Variants in ADAMTS18 observed in about 807,000 individuals in gnomAD.
ADAMTS18 encodes the protein ADAM metallopeptidase with thrombospondin type 1 motif 18, also known as A disintegrin and metalloproteinase with thrombospondin motifs 18.
Under a neutral mutation model 165.9 loss-of-function variants are expected in ADAMTS18, and 157 were observed. That is an observed-to-expected ratio of 0.95 (90% CI 0.83 to 1.08). The LOEUF (loss-of-function observed/expected upper bound fraction) is 1.08. ADAMTS18 is among the 50% of genes least tolerant of loss of function. ADAMTS18 has a pLI of 0.00. For missense variants in ADAMTS18, 2,040 were observed against 1,534.0 expected, an observed-to-expected ratio of 1.33 and a Z score of -5.51; for synonymous variants, 782 against 578.2, an observed-to-expected ratio of 1.35 and a Z score of -5.06.
intron 7 of ADAMTS18, among the ~76,000 whole-genome samples, chr16:77,360,027 G>T (rs1246970542): frequency 6.6e-6 from 1 of 152,168 alleles, no homozygotes; most frequent in Non-Finnish European, 1.5e-5. Context: ...CAGCCCTTAA[G>T]TCTATCTTCA....
chr16:77,385,026 A>G (rs911577211), intron 3 of ADAMTS18, among the ~76,000 whole-genome samples: 8 of 151,716 alleles, frequency 5.3e-5, no homozygotes, highest in African/African-American at 1.5e-4. Context: ...CTCCTGCCTC[A>G]GCCTCCCAAG....
At chr16:77,353,954 C>G (rs2056592991) in intron 9 of ADAMTS18, 68 bp from the exon 10 acceptor site, 6 of 1,577,896 alleles carry the variant, frequency 3.8e-6, no homozygotes, top group Non-Finnish European at 5.2e-6. Context: ...CGACAACACA[C>G]TTCTGAATGC....
chr16:77,284,110 G>A (rs777819535), intron 22 of ADAMTS18, 39 bp from the exon 23 acceptor site: 3 of 1,355,268 alleles, frequency 2.2e-6, no homozygotes, highest in Admixed American at 1.7e-5. Flanking sequence ...TGGCTAGGGT[G>A]TCTATCCTTT....
intron 6 of ADAMTS18, among the ~76,000 whole-genome samples, chr16:77,362,664 C>A (rs1567513588): frequency 1.3e-5 from 2 of 149,406 alleles, no homozygotes; most frequent in South Asian, 4.4e-4. Flanking sequence ...AGCAAAGCGT[C>A]TGGCACATCA....
At chr16:77,356,922 T>A (rs995219122) in intron 8 of ADAMTS18, among the ~76,000 whole-genome samples, 3 of 150,652 alleles carry the variant, frequency 2.0e-5, no homozygotes, top group African/African-American at 7.3e-5. Context: ...TGGTAGAAGA[T>A]GGGGAAATAA....
Position 77,408,143 on chromosome 16 carries a change from C to T in ADAMTS18, c.495+23152G>A, listed in dbSNP as rs148613682. ...AACTTCTTTAGTCATCAGAGAGACA[C>T]AGATTTACTATATGATATACCAAGC... On this transcript the variant is annotated intron_variant, in intron 3 of 22. Coordinates refer to ENST00000282849, the MANE Select transcript of ADAMTS18 (RefSeq NM_199355.4). 3.3e-5 allele frequency among the ~76,000 whole-genome samples: 5 copies of T among 152,102 alleles called. No individual in the cohort carries two copies. The East Asian group carries it at 9.7e-4, about 29-fold the overall frequency.
chr16:77,320,944 A>G, intron 15 of ADAMTS18, 135 bp downstream of exon 15: 1 of 1,116,020 alleles, frequency 9.0e-7, no homozygotes, highest in Non-Finnish European at 1.4e-6. Flanking sequence ...TTACTCTTGC[A>G]CAAGTGAAAA....
At chr16:77,335,270 TA>T (rs560255934) in intron 12 of ADAMTS18, among the ~76,000 whole-genome samples, 486 of 116,528 alleles carry the variant, frequency 4.2e-3, no homozygotes, top group African/African-American at 6.5e-3. Context: ...ATGTGAGAGC[TA>T]AAAAAAAAAA....
Position 77,289,408 on chromosome 16 carries a change from T to A in ADAMTS18, c.3406A>T (p.Thr1136Ser). The A allele has an allele frequency of 6.2e-7, 1 of 1,613,976 alleles. No individual in the cohort carries two copies. The highest frequency in any genetic ancestry group is 1.1e-5 in the South Asian group (1 of 91,078). The change falls in exon 22 of 23, where the codon ACA (threonine) becomes TCA (serine). Residue 1136 changes from threonine (T) to serine (S), a missense_variant. Physicochemically the swap from Thr to Ser is moderately conservative, Grantham distance 58 (BLOSUM62 1). Coordinates refer to ENST00000282849, the MANE Select transcript of ADAMTS18 (RefSeq NM_199355.4). ...GWYSLPWQQC[T>S]VTCGGGVQTR... ...TGGACCCCTCCCCCACAGGTGACTG[T>A]GCACTGCAGCAGAGAGAAGAGGAAG...
At chr16:77,414,718 A>C (rs991852588) in intron 3 of ADAMTS18, among the ~76,000 whole-genome samples, 1 of 152,210 alleles carries the variant, frequency 6.6e-6, no homozygotes. Context: ...CTGCATACTA[A>C]AATTAGATTC....
At chr16:77,390,606 C>T (rs2057172725) in intron 3 of ADAMTS18, among the ~76,000 whole-genome samples, 1 of 151,970 alleles carries the variant, frequency 6.6e-6, no homozygotes. Flanking sequence ...AGGAGAATTG[C>T]CTGAACCCGG....
At chr16:77,392,990 G>GA (rs769369673) in intron 3 of ADAMTS18, among the ~76,000 whole-genome samples, 66 of 150,550 alleles carry the variant, frequency 4.4e-4, no homozygotes, top group African/African-American at 1.5e-3. Flanking sequence ...AGGCAGTAAA[G>GA]AAAAAAAAAG....
At chr16:77,328,803 T>C (rs751273806) in intron 12 of ADAMTS18, among the ~76,000 whole-genome samples, 4 of 152,234 alleles carry the variant, frequency 2.6e-5, no homozygotes, top group Non-Finnish European at 4.4e-5. Flanking sequence ...TATCGACTTA[T>C]AGAACTTGTA....
chr16:77,431,642 C>A (rs1233894976), intron 2 of ADAMTS18, 31 bp from the exon 3 acceptor site: 8 of 1,609,642 alleles, frequency 5.0e-6, no homozygotes, highest in Non-Finnish European at 5.9e-6. Context: ...CTGTCAGCAC[C>A]CAGAGCCCAC....
intron 16 of ADAMTS18, among the ~76,000 whole-genome samples, chr16:77,303,429 ACCCTTCCAG>A (rs2055623165): frequency 2.0e-5 from 3 of 152,128 alleles, no homozygotes; most frequent in African/African-American, 7.2e-5. Flanking sequence ...CATAGGGAAT[ACCCTTCCAG>A]TTGTTTAGGC....
Position 77,322,400 on chromosome 16 carries a change from T to G in ADAMTS18, c.2099A>C (p.Lys700Thr). The part of the protein sequence containing the change: ...NFEFFFAMSG[K>T]VKDGTPCSPN... The stretch of plus-strand genomic sequence containing the variant: ...GGAGCAGGGAGTTCCATCTTTCACT[T>G]TGCCGGACATTGCAAAAAAAAATTC... The change falls in exon 14 of 23, where the codon AAA (lysine) becomes ACA (threonine). Residue 700 changes from lysine to threonine, a missense_variant. Physicochemically the swap from Lys to Thr is moderately conservative, Grantham distance 78. Transcript: ENST00000282849. 1 of 1,614,078 alleles carries G rather than the reference T, an allele frequency of 6.2e-7. No homozygotes were observed. The highest frequency in any genetic ancestry group is 8.5e-7 in the Non-Finnish European group (1 of 1,179,986).
chr16:77,353,632 C>A (rs1597159167), intron 10 of ADAMTS18, 101 bp downstream of exon 10: 7 of 1,530,992 alleles, frequency 4.6e-6, no homozygotes, highest in Non-Finnish European at 6.3e-6. Flanking sequence ...TAACCCAGAA[C>A]CTAACCCTTG....
intron 12 of ADAMTS18, among the ~76,000 whole-genome samples, chr16:77,327,820 G>A (rs528728013): frequency 6.6e-5 from 10 of 152,252 alleles, no homozygotes; most frequent in East Asian, 1.9e-4. Flanking sequence ...AATACTCTCA[G>A]TATCTTCCCA....
chr16:77,333,386 T>C (rs962740681), intron 12 of ADAMTS18, among the ~76,000 whole-genome samples: 7 of 151,464 alleles, frequency 4.6e-5, no homozygotes, highest in African/African-American at 1.7e-4. Context: ...GATGGGTTGA[T>C]AGGTGCAGCA....
Sources: allele counts gnomAD v4.1 joint callset (sites outside exome capture counted in the v4.1 genomes callset), GRCh38; gene constraint gnomAD v4.1.1; transcripts MANE v1.5; gene names NCBI Gene and HGNC (gene_info 2026-07-23, HGNC 2026-07-21).